The following TMEM108 variants were observed in gnomAD, a reference collection of about 807,000 sequenced individuals.
The protein encoded by TMEM108 is transmembrane protein 108, also known as cancer/testis antigen 124.
In TMEM108, 12 loss-of-function variants were observed where a neutral mutation model predicts 35.1. The ratio of observed to expected loss-of-function variants is 0.34; its 90% CI spans 0.22 to 0.55. The LOEUF is 0.55. Among genes scored for constraint, TMEM108 ranks in the 20% least tolerant of loss-of-function variants. TMEM108 has a pLI of 0.89. For synonymous variants in TMEM108, 287 were observed against 308.6 expected (o/e 0.93, Z 0.73); for missense variants, 680 against 753.3 (o/e 0.90, Z 1.14).
chr3:133,385,351 G>A (rs1559946478), intron 4 of TMEM108, among the ~76,000 whole-genome samples: 1 of 152,158 alleles, frequency 6.6e-6, no homozygotes, highest in East Asian at 1.9e-4. Context: ...GCTCTTCCCT[G>A]TGCATCCCAG....
intron 2 of TMEM108, among the ~76,000 whole-genome samples, chr3:133,162,395 A>G (rs1181139995): frequency 1.3e-5 from 2 of 152,240 alleles, no homozygotes; most frequent in African/African-American, 2.4e-5. Context: ...GGAAAAGAAC[A>G]TGATACTAGT....
chr3:133,056,211 C>G (rs1467028024), intron 2 of TMEM108, among the ~76,000 whole-genome samples: 2 of 149,590 alleles, frequency 1.3e-5, no homozygotes, highest in African/African-American at 5.0e-5. Context: ...ATTCCAACTT[C>G]TCTTTCTGAA....
intron 2 of TMEM108, among the ~76,000 whole-genome samples, chr3:133,185,877 C>G (rs1945413679): frequency 6.6e-6 from 1 of 150,880 alleles, no homozygotes; most frequent in South Asian, 2.1e-4. Context: ...AAGTGATTCT[C>G]CTGCCTCAGC....
At chr3:133,182,350 A>G (rs78478529) in intron 2 of TMEM108, among the ~76,000 whole-genome samples, 2,610 of 152,278 alleles carry the variant, frequency 0.017, 97 homozygotes, top group African/African-American at 0.059. Context: ...GCTGCTCTGA[A>G]TTTAAATGTG....
intron 2 of TMEM108, among the ~76,000 whole-genome samples, chr3:133,188,654 G>T (rs1945456213): frequency 6.6e-6 from 1 of 152,102 alleles, no homozygotes; most frequent in South Asian, 2.1e-4. Flanking sequence ...CCTAAGGTAG[G>T]CTAAGCTCAC....
At chr3:133,382,212 AT>A (rs1394273494) in intron 4 of TMEM108, among the ~76,000 whole-genome samples, 1 of 151,886 alleles carries the variant, frequency 6.6e-6, no homozygotes, top group African/African-American at 2.4e-5. Flanking sequence ...CCACCCTCAT[AT>A]CCCCGCTCCT....
chr3:133,388,449 C>T (rs1398771872), intron 4 of TMEM108: 1 of 985,300 alleles, frequency 1.0e-6, no homozygotes, highest in African/African-American at 1.7e-5. Flanking sequence ...TTGCCCCTTT[C>T]CTCTTCAACC....
intron 3 of TMEM108, among the ~76,000 whole-genome samples, chr3:133,268,750 T>G (rs1429490130): frequency 6.6e-6 from 1 of 152,230 alleles, no homozygotes; most frequent in Non-Finnish European, 1.5e-5. Flanking sequence ...ACCAGCTTAT[T>G]TCTTTTGTCT....
chr3:133,162,458 C>G (rs1014056231), intron 2 of TMEM108, among the ~76,000 whole-genome samples: 3 of 152,240 alleles, frequency 2.0e-5, no homozygotes, highest in African/African-American at 7.2e-5. Context: ...ACAGTGGTAA[C>G]AGTGACCCTG....
intron 3 of TMEM108, among the ~76,000 whole-genome samples, chr3:133,378,727 T>G (rs983277163): frequency 9.2e-5 from 14 of 152,196 alleles, no homozygotes; most frequent in African/African-American, 3.4e-4. Flanking sequence ...ACTAGAAATG[T>G]TTTTAAACAT....
chr3:133,189,420 C>A (rs1162214784), intron 2 of TMEM108, among the ~76,000 whole-genome samples: 1 of 152,148 alleles, frequency 6.6e-6, no homozygotes, highest in African/African-American at 2.4e-5. Flanking sequence ...ATTATATACA[C>A]ATGGGAAGAG....
intron 3 of TMEM108, among the ~76,000 whole-genome samples, chr3:133,339,583 T>A (rs1328439977): frequency 6.6e-6 from 1 of 151,976 alleles, no homozygotes; most frequent in Non-Finnish European, 1.5e-5. Flanking sequence ...AGACTTAATA[T>A]GCACTATAAA....
intron 2 of TMEM108, among the ~76,000 whole-genome samples, chr3:133,203,222 A>G (rs947084280): frequency 6.6e-6 from 1 of 152,194 alleles, no homozygotes; most frequent in Admixed American, 6.5e-5. Context: ...TAAATAGACA[A>G]TCATGTCATC....
At chr3:133,233,098 G>A (rs1946178346) in intron 3 of TMEM108, among the ~76,000 whole-genome samples, 1 of 149,686 alleles carries the variant, frequency 6.7e-6, no homozygotes, top group Admixed American at 6.7e-5. Flanking sequence ...GTGCAGGTTA[G>A]TTACATATGT....
At chr3:133,374,899 T>C (rs1021772908) in intron 3 of TMEM108, among the ~76,000 whole-genome samples, 12 of 152,108 alleles carry the variant, frequency 7.9e-5, no homozygotes, top group Non-Finnish European at 1.6e-4. Context: ...CCTGGGGAGA[T>C]GGGTAGAGCA....
At chr3:133,305,281 A>G (rs902714185) in intron 3 of TMEM108, among the ~76,000 whole-genome samples, 3 of 146,878 alleles carry the variant, frequency 2.0e-5, no homozygotes, top group Non-Finnish European at 4.5e-5. Flanking sequence ...ACCAAACACC[A>G]CATATTCTCA....
intron 2 of TMEM108, among the ~76,000 whole-genome samples, chr3:133,188,276 C>T (rs1945450814): frequency 6.6e-6 from 1 of 152,164 alleles, no homozygotes; most frequent in Non-Finnish European, 1.5e-5. Flanking sequence ...ATAATCTCCT[C>T]ATATAAATGA....
At chr3:133,154,477 A>G (rs902955404) in intron 2 of TMEM108, among the ~76,000 whole-genome samples, 1 of 152,176 alleles carries the variant, frequency 6.6e-6, no homozygotes, top group African/African-American at 2.4e-5. Context: ...TCCAACAACG[A>G]TAGACTGGAT....
In TMEM108 at chr3:133,176,403, A is replaced by G. The variant is rs528677197; in HGVS notation, c.-46-52863A>G. Among the ~76,000 whole-genome samples the G allele has an allele frequency of 3.3e-5, 5 of 152,330 alleles. No homozygotes were observed. In the South Asian group the frequency reaches 8.3e-4, roughly 25 times the overall value. ...AGCACCACATCGCTCTTATTCCAAA[A>G]TTGACCACATAGTTGGAAGTAAAGC... On this transcript the variant is annotated intron_variant, in intron 2 of 5. Transcript: ENST00000321871.
Sources: allele counts gnomAD v4.1 joint callset (sites outside exome capture counted in the v4.1 genomes callset), GRCh38; gene constraint gnomAD v4.1.1; transcripts MANE v1.5; gene names NCBI Gene and HGNC (gene_info 2026-07-23, HGNC 2026-07-21).